Variants in SSBP2 observed in about 807,000 individuals in gnomAD.
SSBP2 encodes single-stranded DNA-binding protein 2.
SSBP2 carries 17 observed loss-of-function variants against 61.8 expected under a neutral mutation model. That is an observed-to-expected ratio of 0.28 (90% CI 0.19 to 0.41). The LOEUF (loss-of-function observed/expected upper bound fraction) is 0.41, where lower values mean the gene tolerates loss of function less well. Among genes scored for constraint, SSBP2 ranks in the 10% least tolerant of loss-of-function variants. The probability of loss-of-function intolerance (pLI) is 1.00; values close to 1 mark genes in which losing one functional copy is unlikely to be tolerated. For synonymous variants in SSBP2, 139 were observed against 141.3 expected, an observed-to-expected ratio of 0.98 and a Z score of 0.12; for missense variants, 310 against 458.7, an observed-to-expected ratio of 0.68 and a Z score of 2.96.
chr5:81,557,126 G>A (rs528646715), intron 4 of SSBP2, among the ~76,000 whole-genome samples: 1 of 152,194 alleles, frequency 6.6e-6, no homozygotes, highest in South Asian at 2.1e-4. Context: ...CAAATTCTAG[G>A]TTGATGTTTG....
At chr5:81,665,736 C>T (rs990566875) in intron 1 of SSBP2, among the ~76,000 whole-genome samples, 2 of 152,272 alleles carry the variant, frequency 1.3e-5, no homozygotes, top group Middle Eastern at 3.4e-3. Context: ...AACTCCTGAC[C>T]TCAGGTGATC....
At position 81,458,930 on chromosome 5, in the gene SSBP2, C is replaced by T. The variant is rs1450928230; in HGVS notation, c.687+2125G>A. ...TCAGGATGATGACTACTTTCTCTCT[C>T]TAAAGAGAGAATGATAGGCCTCCTC... On this transcript the variant is annotated intron_variant, in intron 10 of 16. Transcript: ENST00000320672. Among the ~76,000 whole-genome samples, 3 of 152,140 alleles carry T rather than the reference C, an allele frequency of 2.0e-5. No individual in the cohort carries two copies. The South Asian group carries it at 6.2e-4, about 31-fold the overall frequency.
At chr5:81,556,195 T>A (rs1426309099) in intron 4 of SSBP2, among the ~76,000 whole-genome samples, 3 of 152,150 alleles carry the variant, frequency 2.0e-5, no homozygotes, top group African/African-American at 7.2e-5. Context: ...TATCTTTATA[T>A]AGTGACCTTT....
At chr5:81,689,833 A>C (rs562090622) in intron 1 of SSBP2, among the ~76,000 whole-genome samples, 3 of 152,128 alleles carry the variant, frequency 2.0e-5, no homozygotes, top group Non-Finnish European at 4.4e-5. Flanking sequence ...GTGGTGTTTA[A>C]ACCATTCATA....
At chr5:81,706,759 T>C (rs1466030240) in intron 1 of SSBP2, among the ~76,000 whole-genome samples, 1 of 152,250 alleles carries the variant, frequency 6.6e-6, no homozygotes, top group Non-Finnish European at 1.5e-5. Context: ...CGTTTGTTTA[T>C]GGACTATGCT....
chr5:81,746,558 G>GGAGA (rs1275258118), intron 1 of SSBP2, among the ~76,000 whole-genome samples: 1 of 152,116 alleles, frequency 6.6e-6, no homozygotes, highest in Non-Finnish European at 1.5e-5. Context: ...TGGTAGAAGG[G>GGAGA]GAGAACAAGG....
intron 4 of SSBP2, among the ~76,000 whole-genome samples, chr5:81,585,118 C>G (rs2153488951): frequency 6.6e-6 from 1 of 152,110 alleles, no homozygotes; most frequent in Admixed American, 6.5e-5. Flanking sequence ...CTCAACAATA[C>G]TGGTGAAAAA....
intron 1 of SSBP2, among the ~76,000 whole-genome samples, chr5:81,656,845 C>CCTATAAGG (rs1226242702): frequency 1.3e-5 from 2 of 151,322 alleles, no homozygotes; most frequent in African/African-American, 4.9e-5. Flanking sequence ...GAAATGTGAA[C>CCTATAAGG]GTGTAAATGG....
At chr5:81,591,501 A>T (rs746723659) in intron 4 of SSBP2, among the ~76,000 whole-genome samples, 5 of 152,208 alleles carry the variant, frequency 3.3e-5, no homozygotes, top group Non-Finnish European at 5.9e-5. Flanking sequence ...AGGAAGCTTA[A>T]AATATTTATG....
intron 1 of SSBP2, among the ~76,000 whole-genome samples, chr5:81,728,592 G>A (rs1201768712): frequency 6.6e-6 from 1 of 152,188 alleles, no homozygotes; most frequent in African/African-American, 2.4e-5. Context: ...TGCCTGACAT[G>A]CTTACCACAC....
At chr5:81,562,552 T>G (rs1164768728) in intron 4 of SSBP2, among the ~76,000 whole-genome samples, 1 of 152,126 alleles carries the variant, frequency 6.6e-6, no homozygotes, top group African/African-American at 2.4e-5. Context: ...AACCATCTAA[T>G]CATACAACAT....
intron 1 of SSBP2, among the ~76,000 whole-genome samples, chr5:81,718,800 C>T (rs753392489): frequency 2.0e-5 from 3 of 152,138 alleles, no homozygotes; most frequent in Non-Finnish European, 2.9e-5. Flanking sequence ...CACTGATTAG[C>T]GTCTTCCATG....
At chr5:81,543,741 T>C (rs1207354859) in intron 4 of SSBP2, among the ~76,000 whole-genome samples, 2 of 152,114 alleles carry the variant, frequency 1.3e-5, no homozygotes, top group Admixed American at 1.3e-4. Flanking sequence ...ATCCTACAAA[T>C]AGTAGGCATT....
In SSBP2 at chr5:81,463,758, CTTTTTTT is replaced by C. The variant is rs938398439; in HGVS notation, c.639-2662_639-2656del. ...CACTATTACCAAAGAGAAAAATCCTCTTTTTTTTTTTTTTTTTTTTTTTGGTTTGGGA... is the reference window on the plus strand; with the variant it reads ...CACTATTACCAAAGAGAAAAATCCTCTTTTTTTTTTTTTTTTGGTTTGGGA... On this transcript the variant is annotated intron_variant, in intron 9 of 16. Transcript: ENST00000320672. Among the ~76,000 whole-genome samples the C allele has an allele frequency of 6.6e-3, 631 of 96,316 alleles. 2 individuals carry two copies. Among genetic ancestry groups the C allele is most frequent in the Middle Eastern group, 0.055 (8 of 146 alleles). The allele number at this position is 96,316 out of a possible 152,430, so 63.2% of individuals were successfully genotyped here. A position where few individuals can be genotyped will look rare whatever the true frequency, so the allele number is the denominator to read the frequency against.
At chr5:81,456,473 C>T (rs890814083) in intron 10 of SSBP2, among the ~76,000 whole-genome samples, 1 of 151,076 alleles carries the variant, frequency 6.6e-6, no homozygotes, top group Non-Finnish European at 1.5e-5. Flanking sequence ...TCCAGTAATA[C>T]TCTTTTTCAG....
chr5:81,579,096 C>G (rs1774452950), intron 4 of SSBP2, among the ~76,000 whole-genome samples: 1 of 151,746 alleles, frequency 6.6e-6, no homozygotes, highest in South Asian at 2.1e-4. Context: ...TAGCAAGAGG[C>G]AAAAGATAGT....
At chr5:81,712,801 T>C (rs1351697605) in intron 1 of SSBP2, among the ~76,000 whole-genome samples, 2 of 151,260 alleles carry the variant, frequency 1.3e-5, no homozygotes, top group African/African-American at 2.4e-5. Context: ...GGTGCAATCA[T>C]GGCTCACTGC....
chr5:81,577,389 T>C (rs1037644209), intron 4 of SSBP2, among the ~76,000 whole-genome samples: 2 of 151,984 alleles, frequency 1.3e-5, no homozygotes, highest in Non-Finnish European at 2.9e-5. Context: ...TTGTAAGCTC[T>C]TGGTGAGGGA....
At chr5:81,632,631 C>A (rs1403051196) in intron 3 of SSBP2, among the ~76,000 whole-genome samples, 1 of 150,364 alleles carries the variant, frequency 6.7e-6, no homozygotes, top group Non-Finnish European at 1.5e-5. Flanking sequence ...GTGCTTTGGA[C>A]CTCCTTCTCT....
Sources: gnomAD v4.1 joint callset for allele counts (sites outside exome capture counted in the v4.1 genomes callset) on GRCh38, gnomAD v4.1.1 for gene constraint, MANE v1.5 for transcripts, NCBI Gene and HGNC (gene_info 2026-07-23, HGNC 2026-07-21) for gene names.